The following RERE variants were observed in gnomAD, a reference collection of about 807,000 sequenced individuals.
The protein encoded by RERE is arginine-glutamic acid dipeptide repeats.
A neutral mutation model predicts 146.1 loss-of-function variants in RERE; 40 were observed. The ratio of observed to expected loss-of-function variants is 0.27; its 90% CI spans 0.21 to 0.36. The LOEUF is 0.36. RERE is among the 10% of genes least tolerant of loss of function. RERE has a pLI of 1.00. For synonymous variants in RERE, 1,003 were observed against 866.0 expected (o/e 1.16, Z -2.78); for missense variants, 1,933 against 2,138.7 (o/e 0.90, Z 1.90).
chr1:8,761,766 C>CA (rs1300914942), intron 1 of RERE, among the ~76,000 whole-genome samples: 6 of 151,842 alleles, frequency 4.0e-5, no homozygotes, highest in East Asian at 3.9e-4. Context: ...ACTAAAAATA[C>CA]AAAAAAATAG....
intron 2 of RERE, among the ~76,000 whole-genome samples, chr1:8,649,917 G>A (rs1442999346): frequency 6.6e-6 from 1 of 151,976 alleles, no homozygotes; most frequent in Non-Finnish European, 1.5e-5. Context: ...ATACAAAAAA[G>A]GCTATAACAG....
At chr1:8,408,218 A>G (rs301792) in intron 12 of RERE, among the ~76,000 whole-genome samples, 43,689 of 151,506 alleles carry the variant, frequency 0.29, 6,643 homozygotes, top group Non-Finnish European at 0.32. Flanking sequence ...AAAAAAAGGG[A>G]GGGTGGGGGA....
intron 21 of RERE, among the ~76,000 whole-genome samples, 182 bp from the exon 22 acceptor site, chr1:8,355,781 C>T (rs1469968222): frequency 1.3e-5 from 2 of 152,048 alleles, no homozygotes; most frequent in Non-Finnish European, 2.9e-5. Flanking sequence ...CAGGAGGTGC[C>T]CTTGGGTGCC....
chr1:8,407,973 TTC>T (rs1377261136), intron 12 of RERE, among the ~76,000 whole-genome samples: 1 of 152,298 alleles, frequency 6.6e-6, no homozygotes, highest in East Asian at 1.9e-4. Context: ...TCCTGGAACA[TTC>T]TGAGTAAAGA....
chr1:8,742,470 T>C (rs1206848757), intron 1 of RERE, among the ~76,000 whole-genome samples: 1 of 152,124 alleles, frequency 6.6e-6, no homozygotes, highest in East Asian at 1.9e-4. Flanking sequence ...ATCCACTCAA[T>C]GGCCAAGGGA....
intron 1 of RERE, among the ~76,000 whole-genome samples, chr1:8,813,223 T>C (rs1641846007): frequency 6.6e-6 from 1 of 152,214 alleles, no homozygotes; most frequent in African/African-American, 2.4e-5. Context: ...AGGATGTGTG[T>C]ATGTGTGTGT....
chr1:8,696,940 A>G (rs1232450803), intron 1 of RERE, among the ~76,000 whole-genome samples: 1 of 143,074 alleles, frequency 7.0e-6, no homozygotes, highest in African/African-American at 2.6e-5. Context: ...AAACAGTTGA[A>G]ATTATCAAAA....
chr1:8,809,704 A>G (rs1050643303), intron 1 of RERE, among the ~76,000 whole-genome samples: 2 of 152,258 alleles, frequency 1.3e-5, no homozygotes, highest in African/African-American at 4.8e-5. Flanking sequence ...CTTGGAGTCA[A>G]TAAAATGTTT....
chr1:8,633,199 C>G (rs778683223), intron 2 of RERE, among the ~76,000 whole-genome samples: 1 of 152,166 alleles, frequency 6.6e-6, no homozygotes, highest in Admixed American at 6.5e-5. Context: ...GCAGGAGGAT[C>G]ACTTCAGGTC....
intron 12 of RERE, among the ~76,000 whole-genome samples, chr1:8,413,248 T>G (rs769302564): frequency 2.6e-5 from 4 of 152,186 alleles, no homozygotes; most frequent in Admixed American, 2.6e-4. Flanking sequence ...TAAATACATA[T>G]ATGCATTCAT....
intron 8 of RERE, among the ~76,000 whole-genome samples, chr1:8,503,885 T>C (rs2124279854): frequency 6.6e-6 from 1 of 152,330 alleles, no homozygotes; most frequent in South Asian, 2.1e-4. Context: ...ATTATTGCTA[T>C]TCTGGGCTGT....
At chr1:8,607,534 C>CTTTTTTCTTTTTTTTTTTTTTT (rs1646733411) in intron 4 of RERE, among the ~76,000 whole-genome samples, 4 of 48,584 alleles carry the variant, frequency 8.2e-5, no homozygotes, top group African/African-American at 3.4e-4. Context: ...ATATATATTT[C>CTTTTTTCTTTTTTTTTTTTTTT]TTTTTTTTTT....
chr1:8,353,779 A>G lies in RERE; in HGVS notation c.*1308T>C, dbSNP rs1058790. 33,113 of 152,276 alleles carry G rather than the reference A, an allele frequency of 0.22. 4,204 individuals are homozygous for G. The highest frequency in any genetic ancestry group is 0.33 in the African/African-American group (13,626 of 41,454). The allele number at this position is 152,276 out of a possible 1,614,324, so 9.4% of individuals were successfully genotyped here. ...TGGGACTCAAATGGTTTACCAGTGC[A>G]ATGTGGGGTCACCATGCAGACCTGC... On this transcript the variant is annotated 3_prime_UTR_variant, in exon 23 of 23. Transcript: ENST00000400908.
intron 4 of RERE, among the ~76,000 whole-genome samples, chr1:8,573,237 T>TA (rs1296931176): frequency 1.3e-5 from 2 of 152,150 alleles, no homozygotes; most frequent in Non-Finnish European, 1.5e-5. Flanking sequence ...TTATCGAACC[T>TA]AAAGAAGCTG....
intron 1 of RERE, among the ~76,000 whole-genome samples, chr1:8,811,609 A>G (rs1641812164): frequency 6.6e-6 from 1 of 152,336 alleles, no homozygotes; most frequent in South Asian, 2.1e-4. Flanking sequence ...CCCTCTCTCA[A>G]AAAAGAATCA....
At chr1:8,805,350 T>TA (rs1282402968) in intron 1 of RERE, among the ~76,000 whole-genome samples, 1 of 152,012 alleles carries the variant, frequency 6.6e-6, no homozygotes, top group African/African-American at 2.4e-5. Context: ...CCATCTCTAC[T>TA]AAAAATACAA....
At chr1:8,653,368 A>G (rs971183357) in intron 2 of RERE, among the ~76,000 whole-genome samples, 1 of 152,234 alleles carries the variant, frequency 6.6e-6, no homozygotes, top group Non-Finnish European at 1.5e-5. Flanking sequence ...GGATAATAAA[A>G]AAGTAAATCT....
intron 1 of RERE, among the ~76,000 whole-genome samples, chr1:8,805,226 T>TG (rs1641667552): frequency 6.6e-6 from 1 of 152,070 alleles, no homozygotes. Context: ...AAACTCATTT[T>TG]GGGGGGCCAG....
At position 8,364,985 on chromosome 1, in the gene RERE, C is replaced by T. The variant is rs1641744269; in HGVS notation, c.1448-147G>A. On this transcript the variant is annotated intron_variant, in intron 13 of 22. Transcript: ENST00000400908. This position sits in a 1 kb window ranked among gnomAD's most constrained non-coding sequence, Gnocchi z 5.1. ...CCACCAGTCAGAGCGGCTGGGTGCACAGGCTGAGGTAGGACAGTGTCTGCA... is the reference window on the plus strand; with the variant it reads ...CCACCAGTCAGAGCGGCTGGGTGCATAGGCTGAGGTAGGACAGTGTCTGCA... 7.5e-6 allele frequency: 5 copies of T among 664,548 alleles called. No homozygotes were observed. Among genetic ancestry groups the T allele is most frequent in the South Asian group, 5.2e-5 (3 of 57,780 alleles). 41.2% of individuals were successfully genotyped at this position (664,548 alleles called of 1,614,324 possible). A position where few individuals can be genotyped will look rare whatever the true frequency, so the allele number is the denominator to read the frequency against.
Sources: gnomAD v4.1 joint callset for allele counts (sites outside exome capture counted in the v4.1 genomes callset) on GRCh38, gnomAD v4.1.1 for gene constraint, Gnocchi (gnomAD v3.1) non-coding constraint, MANE v1.5 for transcripts, NCBI Gene and HGNC (gene_info 2026-07-23, HGNC 2026-07-21) for gene names.